PRRC2B: variants seen among roughly 807,000 people sequenced by gnomAD.
PRRC2B encodes the protein proline rich coiled-coil 2B.
In PRRC2B, 68 loss-of-function variants were observed where a neutral mutation model predicts 242.3. That is an observed-to-expected ratio of 0.28 (90% CI 0.23 to 0.34). The LOEUF (loss-of-function observed/expected upper bound fraction) is 0.34, where lower values mean the gene tolerates loss of function less well. Ranked by LOEUF, PRRC2B falls within the 10% of genes least tolerant of loss-of-function variation. The probability of loss-of-function intolerance (pLI) is 1.00; values close to 1 mark genes in which losing one functional copy is unlikely to be tolerated. For synonymous variants in PRRC2B, 1,228 were observed against 1,173.6 expected, an observed-to-expected ratio of 1.05 and a Z score of -0.95; for missense variants, 2,835 against 2,954.8, an observed-to-expected ratio of 0.96 and a Z score of 0.94.
In PRRC2B at chr9:131,474,642, A is replaced by G. The variant is rs1014932165; in HGVS notation, c.2513A>G (p.Gln838Arg). The change falls in exon 16 of 32, where the codon CAG (glutamine) becomes CGG (arginine). Residue 838 changes from glutamine to arginine, a missense_variant. Around this residue, in one of 7 missense-constraint regions of PRRC2B, gnomAD observed 1,536 missense variants for 1,483.1 expected, o/e 1.04. Transcript: ENST00000683519. Reference sequence around the variant, plus strand: ...TTGTTTCCACCCCAAGAAAATGTTCAGGATGCAGGTGCTCCTGGGGGTCAC... The same window carrying G: ...TTGTTTCCACCCCAAGAAAATGTTCGGGATGCAGGTGCTCCTGGGGGTCAC... ...ELLFPPQENV[Q>R]DAGAPGGHTQ... is the part of the protein sequence containing the mutation. 5 of 1,613,932 alleles carry G rather than the reference A, an allele frequency of 3.1e-6. No individual in the cohort carries two copies. The highest frequency in any genetic ancestry group is 4.2e-6 in the Non-Finnish European group (5 of 1,179,870).
chr9:131,454,785 G>A (rs1943021594), intron 9 of PRRC2B, among the ~76,000 whole-genome samples: 1 of 151,990 alleles, frequency 6.6e-6, no homozygotes, highest in Non-Finnish European at 1.5e-5. Flanking sequence ...ACAGGCACAC[G>A]CCACCATGCC....
chr9:131,448,806 G>C (rs1434516430), intron 9 of PRRC2B, among the ~76,000 whole-genome samples: 1 of 151,908 alleles, frequency 6.6e-6, no homozygotes, highest in Admixed American at 6.6e-5. Flanking sequence ...TTATTTTCAA[G>C]TAGATTTAAA....
chr9:131,473,809 C>T lies in PRRC2B; in HGVS notation c.2324+85C>T, dbSNP rs959769520. 7 of 1,049,814 alleles carry T rather than the reference C, an allele frequency of 6.7e-6. No homozygotes were observed. The African/African-American group carries it at 7.9e-5, about 12-fold the overall frequency. 65.0% of individuals were successfully genotyped at this position (1,049,814 alleles called of 1,614,324 possible). A position where few individuals can be genotyped will look rare whatever the true frequency, so the allele number is the denominator to read the frequency against. On this transcript the variant is annotated intron_variant, in intron 15 of 31. Coordinates refer to ENST00000683519, the MANE Select transcript of PRRC2B (RefSeq NM_013318.4). ...AGAGGGCCCTGGGATGAGCTACCAT[C>T]CTAGGAGACACTGCCCACGGGAGAC...
intron 3 of PRRC2B, 43 bp downstream of exon 3, chr9:131,432,837 A>G: frequency 6.2e-7 from 1 of 1,602,066 alleles, no homozygotes; most frequent in Non-Finnish European, 8.5e-7. Flanking sequence ...TGGCGCTCCA[A>G]GGGTGGTCCC....
chr9:131,470,796 G>A lies in PRRC2B; in HGVS notation c.1920G>A (p.Leu640=), dbSNP rs753842409. The change falls in exon 14 of 32, where the codon CTG becomes CTA. Residue 640 remains leucine, a synonymous_variant. Coordinates refer to ENST00000683519, the MANE Select transcript of PRRC2B (RefSeq NM_013318.4). The part of the protein sequence containing the change: ...RQQQQQQQEQ[L]YKMQHWQPVY... The stretch of plus-strand genomic sequence containing the variant: ...TCTCTCTCTGTGGGCAGGAGCAGCT[G>A]TACAAGATGCAGCACTGGCAGCCGG... 4 of 1,612,320 alleles carry A rather than the reference G, an allele frequency of 2.5e-6. No individual in the cohort carries two copies. The highest frequency in any genetic ancestry group is 1.7e-4 in the Middle Eastern group (1 of 5,844).
chr9:131,492,356 G>T (rs4740253), intron 30 of PRRC2B, 96 bp downstream of exon 30: 63,808 of 920,534 alleles, frequency 0.069, 2,879 homozygotes, highest in African/African-American at 0.16. Flanking sequence ...AGGGAGAGCC[G>T]CCAGAGACCT....
rs375886289 is a variant in PRRC2B, at chr9:131,473,680, G to A, written c.2280G>A (p.Pro760=). ...TGCAGAGCAAGGGCTACCCGCTCCC[G>A]CACCCGAAGTCGAGTGACACCTTGG... The part of the protein sequence containing the change: ...MALQSKGYPL[P]HPKSSDTLAM... Residue 760 remains proline (P), a synonymous_variant, in exon 15 of 32, where the codon CCG becomes CCA. Coordinates refer to ENST00000683519, the MANE Select transcript of PRRC2B (RefSeq NM_013318.4). The A allele has an allele frequency of 7.8e-5, 126 of 1,613,584 alleles. No individual in the cohort carries two copies. The highest frequency in any genetic ancestry group is 1.6e-4 in the Middle Eastern group (1 of 6,084).
chr9:131,470,257 C>T (rs188164206), intron 13 of PRRC2B, among the ~76,000 whole-genome samples: 110 of 152,240 alleles, frequency 7.2e-4, no homozygotes, highest in Middle Eastern at 3.4e-3. Flanking sequence ...ATTTAGGCGT[C>T]GGGTGGAGAG....
At chr9:131,388,767 C>T (rs947962897) in intron 1 of PRRC2B, among the ~76,000 whole-genome samples, 8 of 149,724 alleles carry the variant, frequency 5.3e-5, no homozygotes, top group African/African-American at 1.7e-4. Flanking sequence ...TGGTCTCGAT[C>T]TCTTGACCTC....
chr9:131,376,737 G>C (rs146733014), intron 1 of PRRC2B, among the ~76,000 whole-genome samples: 5 of 152,232 alleles, frequency 3.3e-5, no homozygotes, highest in African/African-American at 1.2e-4. Context: ...ATAAACTTTT[G>C]TGCTGGTGCC....
chr9:131,465,196 T>C, intron 12 of PRRC2B, 118 bp downstream of exon 12: 1 of 997,206 alleles, frequency 1.0e-6, no homozygotes, highest in Non-Finnish European at 1.5e-6. Context: ...CGAGATCGTA[T>C]TGGGAAGCAT....
At chr9:131,389,882 A>G (rs1350336808), upstream of PRRC2B, among the ~76,000 whole-genome samples, 1 of 147,648 alleles carries the variant, frequency 6.8e-6, no homozygotes, top group Non-Finnish European at 1.5e-5. Flanking sequence ...CTGGTTGGAG[A>G]CAGAACCAGA....
intron 5 of PRRC2B, among the ~76,000 whole-genome samples, chr9:131,440,715 G>T (rs1838537667): frequency 6.6e-6 from 1 of 152,142 alleles, no homozygotes; most frequent in South Asian, 2.1e-4. Context: ...ATGTGATTTG[G>T]CTATAAAGAA....
At position 131,446,321 on chromosome 9, in the gene PRRC2B, C is replaced by T; in HGVS notation, c.614-80C>T. 4 of 1,505,820 alleles carry T rather than the reference C, an allele frequency of 2.7e-6. No individual in the cohort carries two copies. Among genetic ancestry groups the T allele is most frequent in the Non-Finnish European group, 3.6e-6 (4 of 1,111,442 alleles). The allele number at this position is 1,505,820 out of a possible 1,614,324, so 93.3% of individuals were successfully genotyped here. On this transcript the variant is annotated intron_variant, in intron 6 of 31. Transcript: ENST00000683519. This position sits in a 1 kb window ranked among gnomAD's most constrained non-coding sequence, Gnocchi z 4.1. ...TTATTTTTTTGGTGAAGGAGGGGGT[C>T]CCTTGACCTTCAGAACCTCATACGA...
At chr9:131,470,106 G>C (rs1477853202) in intron 13 of PRRC2B, among the ~76,000 whole-genome samples, 3 of 152,180 alleles carry the variant, frequency 2.0e-5, no homozygotes, top group Non-Finnish European at 4.4e-5. Flanking sequence ...TGTTCCCGTG[G>C]CCTGAAGTGC....
chr9:131,448,711 A>G lies in PRRC2B; in HGVS notation c.1120+907A>G, dbSNP rs116355063. On this transcript the variant is annotated intron_variant, in intron 9 of 31. Coordinates refer to ENST00000683519, the MANE Select transcript of PRRC2B (RefSeq NM_013318.4). ...GCTGGAACTACACGCGGGTGCCACA[A>G]ACCCAGCTTGTTCTGCCATTCTTAT... Among the ~76,000 whole-genome samples, 548 of 151,704 alleles carry G rather than the reference A, an allele frequency of 3.6e-3. 2 individuals are homozygous for G. Among genetic ancestry groups the G allele is most frequent in the African/African-American group, 0.013 (531 of 41,380 alleles).
chr9:131,399,753 A>G (rs1037045428), intron 1 of PRRC2B, among the ~76,000 whole-genome samples: 1 of 152,184 alleles, frequency 6.6e-6, no homozygotes, highest in Non-Finnish European at 1.5e-5. Context: ...CACAGTTGAT[A>G]GCTTGCTTTT....
At chr9:131,455,603 A>G (rs1943050669) in intron 10 of PRRC2B, among the ~76,000 whole-genome samples, 1 of 141,744 alleles carries the variant, frequency 7.1e-6, no homozygotes, top group African/African-American at 2.7e-5. Flanking sequence ...TAAAACCTCC[A>G]TCTCCTGGGC....
Position 131,419,982 on chromosome 9 carries a change from C to T in PRRC2B, c.-51-10112C>T, listed in dbSNP as rs1472668140. 2.6e-5 allele frequency among the ~76,000 whole-genome samples: 4 copies of T among 152,064 alleles called. No homozygotes were observed. The South Asian group carries it at 6.2e-4, about 24-fold the overall frequency. The stretch of plus-strand genomic sequence containing the variant: ...GGGGACCCAGCTGACCATGTGGTTC[C>T]GGCAAGGGGCTTGCAACTAAGTGCT... On this transcript the variant is annotated intron_variant, in intron 1 of 31. Coordinates refer to ENST00000683519, the MANE Select transcript of PRRC2B (RefSeq NM_013318.4).
Sources: allele counts gnomAD v4.1 joint callset (sites outside exome capture counted in the v4.1 genomes callset), GRCh38; gene constraint gnomAD v4.1.1; regional missense constraint gnomAD v4.1.1; non-coding constraint Gnocchi (gnomAD v3.1); transcripts MANE v1.5; gene names NCBI Gene and HGNC (gene_info 2026-07-23, HGNC 2026-07-21).